Variants in TMEM163 observed in about 807,000 individuals in gnomAD.
TMEM163 encodes transmembrane protein 163.
Under a neutral mutation model 29.3 loss-of-function variants are expected in TMEM163, and 17 were observed. The ratio of observed to expected loss-of-function variants is 0.58; its 90% CI spans 0.40 to 0.87. The LOEUF (loss-of-function observed/expected upper bound fraction) is 0.87, where lower values mean the gene tolerates loss of function less well. Ranked by LOEUF, TMEM163 falls within the 40% of genes least tolerant of loss-of-function variation. TMEM163 has a pLI of 0.00. For synonymous variants in TMEM163, 157 were observed against 160.6 expected (o/e 0.98, Z 0.17); for missense variants, 303 against 381.5 (o/e 0.79, Z 1.71).
At chr2:134,538,609 T>C (rs1227435167) in intron 4 of TMEM163, among the ~76,000 whole-genome samples, 1 of 140,698 alleles carries the variant, frequency 7.1e-6, no homozygotes, top group Non-Finnish European at 1.5e-5. Flanking sequence ...ATCCATACAA[T>C]GGAACATGAT....
chr2:134,571,436 C>G (rs1381816618), intron 2 of TMEM163, among the ~76,000 whole-genome samples: 2 of 151,926 alleles, frequency 1.3e-5, no homozygotes, highest in African/African-American at 4.8e-5. Context: ...TTAAGGGGAA[C>G]AAACACCTGA....
At chr2:134,610,390 G>A (rs1007504729) in intron 2 of TMEM163, among the ~76,000 whole-genome samples, 6 of 152,214 alleles carry the variant, frequency 3.9e-5, no homozygotes, top group African/African-American at 1.4e-4. Flanking sequence ...AAATCTCAGC[G>A]TGATCCGAGT....
chr2:134,474,579 C>T (rs903852758), intron 5 of TMEM163, among the ~76,000 whole-genome samples: 2 of 152,288 alleles, frequency 1.3e-5, no homozygotes, highest in South Asian at 4.1e-4. Context: ...TTTTTATTTA[C>T]AGACTACATA....
At chr2:134,484,185 T>C (rs1417494049) in intron 5 of TMEM163, among the ~76,000 whole-genome samples, 1 of 151,882 alleles carries the variant, frequency 6.6e-6, no homozygotes, top group Non-Finnish European at 1.5e-5. Flanking sequence ...CTGAAGGACA[T>C]GGGTTCCAGT....
chr2:134,463,692 T>C (rs1686600569), intron 6 of TMEM163, among the ~76,000 whole-genome samples: 2 of 152,160 alleles, frequency 1.3e-5, no homozygotes, highest in African/African-American at 2.4e-5. Context: ...CTTGGCTGAG[T>C]TGCAACCACG....
intron 2 of TMEM163, among the ~76,000 whole-genome samples, chr2:134,580,727 C>T (rs987575023): frequency 1.3e-5 from 2 of 152,288 alleles, no homozygotes; most frequent in East Asian, 1.9e-4. Flanking sequence ...GCCTGGCCAA[C>T]GTGGTGAAAC....
At chr2:134,696,231 TC>T (rs1311815030) in intron 2 of TMEM163, among the ~76,000 whole-genome samples, 8 of 152,202 alleles carry the variant, frequency 5.3e-5, no homozygotes, top group Non-Finnish European at 1.2e-4. Context: ...CTCTCACATA[TC>T]CAATTTCCAT....
At chr2:134,526,735 C>T (rs574081087) in intron 4 of TMEM163, among the ~76,000 whole-genome samples, 1 of 152,286 alleles carries the variant, frequency 6.6e-6, no homozygotes. Flanking sequence ...CAATGCAGTG[C>T]AGGCTGACAG....
intron 2 of TMEM163, among the ~76,000 whole-genome samples, chr2:134,657,104 C>T (rs1683638671): frequency 1.3e-5 from 2 of 152,172 alleles, no homozygotes; most frequent in South Asian, 2.1e-4. Flanking sequence ...GCTGGTTTCA[C>T]AGAATGAGTT....
At chr2:134,467,834 A>T (rs2106474941) in intron 5 of TMEM163, 1 of 152,294 alleles carries the variant, frequency 6.6e-6, no homozygotes, top group Admixed American at 6.5e-5. Flanking sequence ...GATGGAGGGG[A>T]TATGGGCACT....
At chr2:134,620,963 G>T (rs2104824832) in intron 2 of TMEM163, among the ~76,000 whole-genome samples, 1 of 152,112 alleles carries the variant, frequency 6.6e-6, no homozygotes, top group African/African-American at 2.4e-5. Flanking sequence ...AATTCCCAAA[G>T]GAAAAAGTTG....
At chr2:134,634,255 C>G (rs539990509) in intron 2 of TMEM163, among the ~76,000 whole-genome samples, 86 of 152,052 alleles carry the variant, frequency 5.7e-4, no homozygotes, top group African/African-American at 1.5e-3. Flanking sequence ...GGGCTGCTCT[C>G]TGGAGTCAGA....
intron 5 of TMEM163, among the ~76,000 whole-genome samples, chr2:134,491,000 G>T (rs1679417074): frequency 6.6e-6 from 1 of 152,134 alleles, no homozygotes; most frequent in Non-Finnish European, 1.5e-5. Flanking sequence ...TCCTTAAACT[G>T]TTAAACACCT....
chr2:134,597,287 T>C lies in TMEM163; in HGVS notation c.323-45196A>G, dbSNP rs571553483. On this transcript the variant is annotated intron_variant, in intron 2 of 7. Coordinates refer to ENST00000281924, the MANE Select transcript of TMEM163 (RefSeq NM_030923.5). ...GCTCTTATTATTTTGAGATACGTCC[T>C]ATCAATACCTAATTTATTGAGAGTT... is the stretch of plus-strand genomic sequence containing the variant. 3.3e-4 allele frequency among the ~76,000 whole-genome samples: 50 copies of C among 152,338 alleles called. No homozygotes were observed. In the East Asian group the frequency reaches 8.3e-3, roughly 25 times the overall value.
intron 2 of TMEM163, among the ~76,000 whole-genome samples, chr2:134,710,320 GC>G (rs1684899187): frequency 6.6e-6 from 1 of 152,228 alleles, no homozygotes; most frequent in Non-Finnish European, 1.5e-5. Context: ...AAAGAGGTGT[GC>G]CCCCCAACTT....
intron 4 of TMEM163, among the ~76,000 whole-genome samples, chr2:134,526,693 C>A (rs1680306428): frequency 2.0e-5 from 3 of 152,190 alleles, no homozygotes; most frequent in Non-Finnish European, 4.4e-5. Flanking sequence ...AGAGTGTAAG[C>A]TACTTTACAC....
chr2:134,463,349 A>C (rs975138766), intron 6 of TMEM163, among the ~76,000 whole-genome samples: 1 of 152,216 alleles, frequency 6.6e-6, no homozygotes, highest in African/African-American at 2.4e-5. Context: ...TCCCTAAGGA[A>C]AGAAGGGCTC....
intron 2 of TMEM163, among the ~76,000 whole-genome samples, chr2:134,597,650 CCT>C (rs1337007513): frequency 3.3e-5 from 5 of 152,138 alleles, no homozygotes; most frequent in African/African-American, 1.2e-4. Flanking sequence ...GGGAGGATTC[CCT>C]CTTTTTCTAT....
rs1387176580 is a variant in TMEM163 at position 134,499,575 on chromosome 2, C to T, written c.555+3326G>A. Among the ~76,000 whole-genome samples, 18 of 152,220 alleles carry T rather than the reference C, an allele frequency of 1.2e-4. 1 individual carries two copies. The highest frequency in any genetic ancestry group is 4.4e-5 in the Non-Finnish European group (3 of 68,046). ...CAGGCAACACCACGAGGCTCAGAGT[C>T]AACCAACTTTACAGTTGGGAAATTC... On this transcript the variant is annotated intron_variant, in intron 5 of 7. Transcript: ENST00000281924.
Sources: allele counts gnomAD v4.1 joint callset (sites outside exome capture counted in the v4.1 genomes callset), GRCh38; gene constraint gnomAD v4.1.1; transcripts MANE v1.5; gene names NCBI Gene and HGNC (gene_info 2026-07-23, HGNC 2026-07-21).